The following KLK1 variants were observed in gnomAD, a reference collection of about 807,000 sequenced individuals.
KLK1 encodes the protein kallikrein-1.
In KLK1, 22 loss-of-function variants were observed where a neutral mutation model predicts 23.3. The observed-to-expected ratio is 0.95, with a 90% CI of 0.68 to 1.35. The LOEUF is 1.35. Ranked by LOEUF, KLK1 falls within the 40% of genes most tolerant of loss-of-function variation. The pLI is 0.00. For missense variants in KLK1, 301 were observed against 338.9 expected, an observed-to-expected ratio of 0.89 and a Z score of 0.88; for synonymous variants, 140 against 135.8, an observed-to-expected ratio of 1.03 and a Z score of -0.21.
In KLK1 at chr19:50,819,220, C is replaced by T. The variant is rs138173062; in HGVS notation, c.763G>A (p.Glu255Lys). The change falls in exon 5 of 5, where the codon GAG becomes AAG. Residue 255 changes from glutamate (E) to lysine (K), a missense_variant. Physicochemically the swap from Glu to Lys is moderately conservative, Grantham distance 56. Transcript: ENST00000301420. ...CAGGAGTTCTCCGCTATGGTGTCCT[C>T]GATCCACTTCACATAAGACAGCACT... Reference protein sequence around the residue: ...VRVLSYVKWIEDTIAENS With the variant: ...VRVLSYVKWIKDTIAENS The T allele has an allele frequency of 1.2e-5, 20 of 1,613,774 alleles. No homozygotes were observed. The African/African-American group carries it at 1.9e-4, about 15-fold the overall frequency.
chr19:50,820,268 C>G lies in KLK1; in HGVS notation c.382G>C (p.Glu128Gln). 1 of 1,614,118 alleles carries G rather than the reference C, an allele frequency of 6.2e-7. No individual in the cohort carries two copies. The highest frequency in any genetic ancestry group is 8.5e-7 in the Non-Finnish European group (1 of 1,180,040). ...GCATCTGTGATGGTATCAGCAGGCTCTGTCAGGCGGAGCAGCATGAGGTCG... is the reference window on the plus strand; with the variant it reads ...GCATCTGTGATGGTATCAGCAGGCTGTGTCAGGCGGAGCAGCATGAGGTCG... ...SHDLMLLRLT[E>Q]PADTITDAVK... Residue 128 changes from glutamate to glutamine, a missense_variant, in exon 3 of 5, where the codon GAG becomes CAG. By Grantham distance (29) the Glu-to-Gln change is conservative (BLOSUM62 2). Transcript: ENST00000301420.
Position 50,823,613 on chromosome 19 carries a change from G to T in KLK1, c.46+90C>A, listed in dbSNP as rs562528487. On this transcript the variant is annotated intron_variant, in intron 1 of 4. Coordinates refer to ENST00000301420, the MANE Select transcript of KLK1 (RefSeq NM_002257.4). ...TGGGCCAGAGGGATGAGGGTGGGGT[G>T]TTGGAGGGGAAGGTCTTATCGGGGG... 23 of 828,532 alleles carry T rather than the reference G, an allele frequency of 2.8e-5. No individual in the cohort carries two copies. The East Asian group carries it at 4.9e-4, about 18-fold the overall frequency. The allele number at this position is 828,532 out of a possible 1,614,324, so 51.3% of individuals were successfully genotyped here.
Position 50,820,253 on chromosome 19 carries a change from T to C in KLK1, c.397A>G (p.Ile133Val). 6.2e-7 allele frequency: 1 copy of C among 1,613,776 alleles called. No individual in the cohort carries two copies. Among genetic ancestry groups the C allele is most frequent in the South Asian group, 1.1e-5 (1 of 91,060 alleles). ...TCCACGACCTTCACAGCATCTGTGA[T>C]GGTATCAGCAGGCTCTGTCAGGCGG... is the stretch of plus-strand genomic sequence containing the variant. ...LLRLTEPADT[I>V]TDAVKVVELP... The change falls in exon 3 of 5, where the codon ATC becomes GTC. Residue 133 changes from isoleucine (I) to valine (V), a missense_variant. Transcript: ENST00000301420.
rs3212826 is a variant in KLK1 at position 50,821,348 on chromosome 19, C to CAG, written c.206+362_206+363dup. Among the ~76,000 whole-genome samples the CAG allele has an allele frequency of 0.013, 1,922 of 151,854 alleles. 52 individuals carry two copies. The highest frequency in any genetic ancestry group is 0.043 in the African/African-American group (1,783 of 41,392). ...ATGAGGGAGCGGTGAGGTAGAGACCCAGAGAGAGAGAGATGGGTAGAGAGA... is the reference window on the plus strand; with the variant it reads ...ATGAGGGAGCGGTGAGGTAGAGACCCAGAGAGAGAGAGAGATGGGTAGAGAGA... On this transcript the variant is annotated intron_variant, in intron 2 of 4. Coordinates refer to ENST00000301420, the MANE Select transcript of KLK1 (RefSeq NM_002257.4). This position sits in a 1 kb window ranked among gnomAD's most constrained non-coding sequence, Gnocchi z 5.6.
At position 50,821,860 on chromosome 19, in the gene KLK1, G is replaced by A. The variant is rs2089830763; in HGVS notation, c.58C>T (p.Pro20Ser). 1 of 1,609,892 alleles carries A rather than the reference G, an allele frequency of 6.2e-7. No homozygotes were observed. The highest frequency in any genetic ancestry group is 1.3e-5 in the African/African-American group (1 of 74,832). ...LSLGGTGAAP[P>S]IQSRIVGGWE... Reference sequence around the variant, plus strand: ...CCTCCCACAATCCGGGACTGAATCGGGGGCGCAGCACCTGCAGAGGCGGTG... The same window carrying A: ...CCTCCCACAATCCGGGACTGAATCGAGGGCGCAGCACCTGCAGAGGCGGTG... The change falls in exon 2 of 5, where the codon CCG becomes TCG. Residue 20 changes from proline to serine, a missense_variant. Pro to Ser is a moderately conservative substitution (Grantham distance 74, BLOSUM62 -1). Coordinates refer to ENST00000301420, the MANE Select transcript of KLK1 (RefSeq NM_002257.4). The surrounding 1 kb of genome is among the most constrained non-coding windows in gnomAD (Gnocchi z 5.6).
chr19:50,823,512 G>A (rs2089840997), intron 1 of KLK1, among the ~76,000 whole-genome samples, 191 bp downstream of exon 1: 1 of 152,058 alleles, frequency 6.6e-6, no homozygotes, highest in South Asian at 2.1e-4. Context: ...ACAACATGGA[G>A]GAGCGGGGGT....
At chr19:50,823,056 G>T in intron 1 of KLK1, 2 of 261,726 alleles carry the variant, frequency 7.6e-6, no homozygotes, top group Non-Finnish European at 1.2e-5. Context: ...TTTTTCCTGG[G>T]AGAGCTGGGG....
Position 50,823,715 on chromosome 19 carries a change from G to A in KLK1, c.34C>T (p.Leu12=). Reference sequence around the variant, plus strand: ...CCCACTGTCTCACCAGTCCCCCCCAGGGACAGGGCGAGGCACAGAACCAGG... The same window carrying A: ...CCCACTGTCTCACCAGTCCCCCCCAAGGACAGGGCGAGGCACAGAACCAGG... The part of the protein sequence containing the change: ...WFLVLCLALS[L]GGTGAAPPIQ... Residue 12 remains leucine, a synonymous_variant, in exon 1 of 5, where the codon CTG becomes TTG. Coordinates refer to ENST00000301420, the MANE Select transcript of KLK1 (RefSeq NM_002257.4). The A allele has an allele frequency of 3.7e-6, 6 of 1,609,134 alleles. No individual in the cohort carries two copies. Among genetic ancestry groups the A allele is most frequent in the Non-Finnish European group, 5.1e-6 (6 of 1,176,392 alleles).
chr19:50,822,145 C>T (rs1238130111), intron 1 of KLK1: 1 of 1,154,846 alleles, frequency 8.7e-7, no homozygotes, highest in East Asian at 4.3e-5. Flanking sequence ...GAGACAGTGT[C>T]TGGAGCAGAC....
In KLK1 at chr19:50,821,775, A is replaced by G. The variant is rs771504074; in HGVS notation, c.143T>C (p.Phe48Ser). 1.2e-6 allele frequency: 2 copies of G among 1,613,804 alleles called. No individual in the cohort carries two copies. The highest frequency in any genetic ancestry group is 1.3e-5 in the African/African-American group (1 of 74,896). ...GTGCACCAGGATGCCCCCACACTGG[A>G]AAGTGCTGAAATGGTACAGAGCCGC... The part of the protein sequence containing the change: ...WQAALYHFST[F>S]QCGGILVHRQ... The change falls in exon 2 of 5, where the codon TTC becomes TCC. Residue 48 changes from phenylalanine (F) to serine (S), a missense_variant. Physicochemically the swap from Phe to Ser is radical, Grantham distance 155. Transcript: ENST00000301420. This position sits in a 1 kb window ranked among gnomAD's most constrained non-coding sequence, Gnocchi z 5.6.
intron 1 of KLK1, 141 bp downstream of exon 1, chr19:50,823,561 CG>C (rs2089841629): frequency 1.9e-6 from 1 of 526,850 alleles, no homozygotes; most frequent in Non-Finnish European, 3.4e-6. Context: ...AGATAAGAGC[CG>C]GGGCACCCCG....
At position 50,821,954 on chromosome 19, in the gene KLK1, G is replaced by C; in HGVS notation, c.47-83C>G. The C allele has an allele frequency of 6.6e-7, 1 of 1,512,266 alleles. No homozygotes were observed. The highest frequency in any genetic ancestry group is 1.3e-5 in the South Asian group (1 of 75,864). The allele number at this position is 1,512,266 out of a possible 1,614,324, so 93.7% of individuals were successfully genotyped here. A position where few individuals can be genotyped will look rare whatever the true frequency, so the allele number is the denominator to read the frequency against. On this transcript the variant is annotated intron_variant, in intron 1 of 4. Coordinates refer to ENST00000301420, the MANE Select transcript of KLK1 (RefSeq NM_002257.4). The surrounding 1 kb of genome is among the most constrained non-coding windows in gnomAD (Gnocchi z 5.6). Reference sequence around the variant, plus strand: ...GGCTAGGAGAGGGAGCTGGGCTGTGGGTCTGAAGGGACATTGCGGGTAGAG... The same window carrying C: ...GGCTAGGAGAGGGAGCTGGGCTGTGCGTCTGAAGGGACATTGCGGGTAGAG...
At position 50,820,002 on chromosome 19, in the gene KLK1, A is replaced by G. The variant is rs537675933; in HGVS notation, c.530T>C (p.Leu177Pro). 6.2e-7 allele frequency: 1 copy of G among 1,614,208 alleles called. No homozygotes were observed. The highest frequency in any genetic ancestry group is 1.1e-5 in the South Asian group (1 of 91,084). Reference protein sequence around the residue: ...SFPDDLQCVDLKILPNDECKK... With the variant: ...SFPDDLQCVDPKILPNDECKK... ...GCACTCATCATTAGGCAGGATTTTG[A>G]GGTCCACACACTGGAGATCATCTGG... is the stretch of plus-strand genomic sequence containing the variant. Residue 177 changes from leucine to proline, a missense_variant, in exon 4 of 5, where the codon CTC (leucine) becomes CCC (proline). Leu to Pro is a moderately conservative substitution (Grantham distance 98). Transcript: ENST00000301420.
At chr19:50,820,881 CAG>C (rs2123388593) in intron 2 of KLK1, 1 of 147,836 alleles carries the variant, frequency 6.8e-6, no homozygotes, top group African/African-American at 2.5e-5. Context: ...GAAACAGAGG[CAG>C]AGAGGAAGCA....
rs757056858 is a variant in KLK1, at chr19:50,821,918, G to A, written c.47-47C>T. ...AGGAAGGGCAGGGTTGGCAGGAGAG[G>A]CCAGGGACAAGGCTAGGAGAGGGAG... On this transcript the variant is annotated intron_variant, in intron 1 of 4. Coordinates refer to ENST00000301420, the MANE Select transcript of KLK1 (RefSeq NM_002257.4). This position sits in a 1 kb window ranked among gnomAD's most constrained non-coding sequence, Gnocchi z 5.6. 1 of 1,573,014 alleles carries A rather than the reference G, an allele frequency of 6.4e-7. No individual in the cohort carries two copies. Among genetic ancestry groups the A allele is most frequent in the South Asian group, 1.2e-5 (1 of 85,064 alleles).
chr19:50,822,269 C>A, intron 1 of KLK1: 1 of 1,002,612 alleles, frequency 1.0e-6, no homozygotes, highest in African/African-American at 1.7e-5. Context: ...AAGGGTGGGA[C>A]AGGATCAGAG....
intron 2 of KLK1, 124 bp from the exon 3 acceptor site, chr19:50,820,567 CAG>C: frequency 1.4e-6 from 1 of 695,232 alleles, no homozygotes; most frequent in Non-Finnish European, 2.4e-6. Flanking sequence ...TGGGCGGAGA[CAG>C]AGGAAGAAAG....
intron 1 of KLK1, among the ~76,000 whole-genome samples, chr19:50,823,497 C>T (rs2123391757): frequency 6.6e-6 from 1 of 152,024 alleles, no homozygotes; most frequent in Admixed American, 6.5e-5. Flanking sequence ...GGAGTGAGCA[C>T]TATGACAACA....
rs193199844 is a variant in KLK1, at chr19:50,820,018, G to A, written c.514C>T (p.Leu172Phe). The A allele has an allele frequency of 9.6e-5, 155 of 1,614,184 alleles. No individual in the cohort carries two copies. The East Asian group carries it at 3.2e-3, about 33-fold the overall frequency. Residue 172 changes from leucine (L) to phenylalanine (F), a missense_variant, in exon 4 of 5, where the codon CTC becomes TTC. Coordinates refer to ENST00000301420, the MANE Select transcript of KLK1 (RefSeq NM_002257.4). ...EPENFSFPDD[L>F]QCVDLKILPN... ...AGGATTTTGAGGTCCACACACTGGA[G>A]ATCATCTGGAAATGAGACTACGAAC...
Sources: allele counts gnomAD v4.1 joint callset (sites outside exome capture counted in the v4.1 genomes callset), GRCh38; gene constraint gnomAD v4.1.1; non-coding constraint Gnocchi (gnomAD v3.1); transcripts MANE v1.5; gene names NCBI Gene and HGNC (gene_info 2026-07-23, HGNC 2026-07-21).